Variants in BLVRA observed in about 807,000 individuals in gnomAD.
BLVRA encodes the protein biliverdin reductase A.
Under a neutral mutation model 32.8 loss-of-function variants are expected in BLVRA, and 22 were observed. The ratio of observed to expected loss-of-function variants is 0.67; its 90% CI spans 0.48 to 0.96. The LOEUF (loss-of-function observed/expected upper bound fraction) is 0.96. Among genes scored for constraint, BLVRA ranks in the 40% least tolerant of loss-of-function variants. The pLI is 0.00. For synonymous variants in BLVRA, 119 were observed against 141.3 expected (o/e 0.84, Z 1.12); for missense variants, 323 against 358.1 (o/e 0.90, Z 0.79).
At chr7:43,794,110 G>C (rs2095789155) in intron 5 of BLVRA, among the ~76,000 whole-genome samples, 1 of 151,864 alleles carries the variant, frequency 6.6e-6, no homozygotes, top group African/African-American at 2.4e-5. Flanking sequence ...GGGTGTGGTG[G>C]TGCATACCGG....
intron 7 of BLVRA, among the ~76,000 whole-genome samples, 199 bp from the exon 8 acceptor site, chr7:43,806,778 C>T (rs1426780881): frequency 1.3e-5 from 2 of 152,114 alleles, no homozygotes; most frequent in African/African-American, 4.8e-5. Context: ...ATGAATTCCC[C>T]TGCCTGATGG....
intron 5 of BLVRA, 83 bp downstream of exon 5, chr7:43,792,895 A>T: frequency 1.3e-5 from 17 of 1,323,110 alleles, no homozygotes; most frequent in Non-Finnish European, 1.8e-5. Context: ...CCCATTTCAG[A>T]TATCTCCTCC....
chr7:43,807,048 C>A lies in BLVRA; in HGVS notation c.704C>A (p.Ser235Tyr). The change falls in exon 8 of 8, where the codon TCT becomes TAT. Residue 235 changes from serine to tyrosine, a missense_variant. Coordinates refer to ENST00000265523, the MANE Select transcript of BLVRA (RefSeq NM_000712.4). ...RNRYLSFHFK[S>Y]GSLENVPNVG... ...AGATATTTAAGCTTCCATTTCAAGT[C>A]TGGGTCCTTGGAGAATGTGCCAAAT... 2 of 1,614,170 alleles carry A rather than the reference C, an allele frequency of 1.2e-6. No individual in the cohort carries two copies. The highest frequency in any genetic ancestry group is 2.2e-5 in the East Asian group (1 of 44,878).
Position 43,805,280 on chromosome 7 carries a change from CTCT to C in BLVRA, c.632+1435_632+1437del, listed in dbSNP as rs2095802928. ...GGGGAGGCAGAGGCTGACTCTCTCTCTCTTTTTTTTTTTTTTTTATGAGACAAA... is the reference window on the plus strand; with the variant it reads ...GGGGAGGCAGAGGCTGACTCTCTCTCTTTTTTTTTTTTTTTATGAGACAAA... On this transcript the variant is annotated intron_variant, in intron 7 of 7. Transcript: ENST00000265523. Among the ~76,000 whole-genome samples the C allele has an allele frequency of 7.4e-5, 8 of 107,582 alleles. No individual in the cohort carries two copies. In the South Asian group the frequency reaches 2.4e-3, roughly 32 times the overall value. The allele number at this position is 107,582 out of a possible 152,430, so 70.6% of individuals were successfully genotyped here.
rs184575600 is a variant in BLVRA at position 43,790,264 on chromosome 7, C to T, written c.135-985C>T. On this transcript the variant is annotated intron_variant, in intron 3 of 7. Coordinates refer to ENST00000265523, the MANE Select transcript of BLVRA (RefSeq NM_000712.4). Reference sequence around the variant, plus strand: ...CTTTGGCTCTTCGAAGACTGCAGCTCCCCCATGCTCTAGAAGAGTCAGAAG... The same window carrying T: ...CTTTGGCTCTTCGAAGACTGCAGCTTCCCCATGCTCTAGAAGAGTCAGAAG... Among the ~76,000 whole-genome samples the T allele has an allele frequency of 5.9e-5, 9 of 152,202 alleles. No homozygotes were observed. In the East Asian group the frequency reaches 1.4e-3, roughly 23 times the overall value.
chr7:43,800,424 A>C (rs775507222), intron 5 of BLVRA, 41 bp from the exon 6 acceptor site: 15 of 1,578,646 alleles, frequency 9.5e-6, no homozygotes. Context: ...ACCTAGACAC[A>C]ACTGACGACT....
intron 2 of BLVRA, among the ~76,000 whole-genome samples, chr7:43,776,559 C>G (rs2095761209): frequency 6.6e-6 from 1 of 152,072 alleles, no homozygotes; most frequent in Admixed American, 6.5e-5. Context: ...GCTTTACTTC[C>G]AACTGTGTGG....
intron 2 of BLVRA, among the ~76,000 whole-genome samples, chr7:43,779,163 G>C (rs1183216746): frequency 6.6e-6 from 1 of 152,218 alleles, no homozygotes; most frequent in Non-Finnish European, 1.5e-5. Context: ...TGCACCCACT[G>C]TCTGGCACTC....
chr7:43,794,904 G>A (rs964522770), intron 5 of BLVRA, among the ~76,000 whole-genome samples: 1 of 152,110 alleles, frequency 6.6e-6, no homozygotes, highest in Non-Finnish European at 1.5e-5. Flanking sequence ...GAGTTAAGTT[G>A]TTAGCAGTTT....
At chr7:43,780,686 G>A (rs2095767956) in intron 2 of BLVRA, among the ~76,000 whole-genome samples, 2 of 152,148 alleles carry the variant, frequency 1.3e-5, no homozygotes, top group Non-Finnish European at 2.9e-5. Context: ...TGCCTCTGTT[G>A]TGCTGTGCAA....
At chr7:43,793,344 A>C (rs564970022) in intron 5 of BLVRA, among the ~76,000 whole-genome samples, 2 of 151,892 alleles carry the variant, frequency 1.3e-5, no homozygotes, top group Non-Finnish European at 2.9e-5. Flanking sequence ...TGTATAGAAA[A>C]ATATGGCTCA....
chr7:43,800,344 T>C (rs1413124602), intron 5 of BLVRA, 121 bp from the exon 6 acceptor site: 3 of 922,732 alleles, frequency 3.3e-6, no homozygotes, highest in Non-Finnish European at 5.3e-6. Context: ...ATCCTGGCCA[T>C]GTGCCCAGGG....
At chr7:43,780,738 T>A (rs1396915664) in intron 2 of BLVRA, among the ~76,000 whole-genome samples, 1 of 152,238 alleles carries the variant, frequency 6.6e-6, no homozygotes, top group Non-Finnish European at 1.5e-5. Flanking sequence ...TCATTTTCTC[T>A]CCATCCCCAT....
At chr7:43,771,209 C>G in intron 2 of BLVRA, 39 bp downstream of exon 2, 2 of 1,605,574 alleles carry the variant, frequency 1.2e-6, no homozygotes, top group Non-Finnish European at 1.7e-6. Flanking sequence ...GGATGCTTTT[C>G]TTATTGTGTC....
At position 43,791,237 on chromosome 7, in the gene BLVRA, A is replaced by T; in HGVS notation, c.135-12A>T. The stretch of plus-strand genomic sequence containing the variant: ...TACCATTGAGTTCCATTTCTCTGTT[A>T]CTCTGAAATAGAAGGGAGCTCGGGA... On this transcript the variant is annotated splice_polypyrimidine_tract_variant and intron_variant, in intron 3 of 7. Coordinates refer to ENST00000265523, the MANE Select transcript of BLVRA (RefSeq NM_000712.4). 6.2e-7 allele frequency: 1 copy of T among 1,613,916 alleles called. No homozygotes were observed. Among genetic ancestry groups the T allele is most frequent in the East Asian group, 2.2e-5 (1 of 44,872 alleles).
chr7:43,804,349 G>A (rs1297789312), intron 7 of BLVRA, among the ~76,000 whole-genome samples: 2 of 152,190 alleles, frequency 1.3e-5, no homozygotes, highest in African/African-American at 4.8e-5. Flanking sequence ...GCTGAGGCAG[G>A]AGAATTGCTT....
chr7:43,772,915 A>G (rs886240078), intron 2 of BLVRA, among the ~76,000 whole-genome samples: 5 of 152,150 alleles, frequency 3.3e-5, no homozygotes, highest in Non-Finnish European at 7.4e-5. Context: ...AAGTATAACC[A>G]TATCACCTAG....
At chr7:43,806,745 C>T (rs1303031659) in intron 7 of BLVRA, among the ~76,000 whole-genome samples, 1 of 151,744 alleles carries the variant, frequency 6.6e-6, no homozygotes, top group Non-Finnish European at 1.5e-5. Flanking sequence ...AAGGCTCCAT[C>T]CCAGAAAAAA....
chr7:43,764,229 G>C (rs2095745427), intron 1 of BLVRA: 1 of 152,152 alleles, frequency 6.6e-6, no homozygotes, highest in Admixed American at 6.6e-5. Context: ...ACTCGGCTGG[G>C]CAGAAATCAT....
Sources: gnomAD v4.1 joint callset for allele counts (sites outside exome capture counted in the v4.1 genomes callset) on GRCh38, gnomAD v4.1.1 for gene constraint, MANE v1.5 for transcripts, NCBI Gene and HGNC (gene_info 2026-07-23, HGNC 2026-07-21) for gene names.